Variants in WDFY3 observed in about 807,000 individuals in gnomAD.
The protein encoded by WDFY3 is WD repeat and FYVE domain-containing protein 3.
A neutral mutation model predicts 409.6 loss-of-function variants in WDFY3; 66 were observed. That is an observed-to-expected ratio of 0.16 (90% CI 0.13 to 0.20). The LOEUF is 0.20. WDFY3 is among the 10% of genes least tolerant of loss of function. The pLI, the probability that WDFY3 is intolerant of heterozygous loss-of-function variation, is 1.00. For missense variants in WDFY3, 3,031 were observed against 4,298.1 expected (o/e 0.71, Z 8.24); for synonymous variants, 1,521 against 1,537.1 (o/e 0.99, Z 0.25).
At chr4:84,711,168 T>C (rs901494265) in intron 51 of WDFY3, among the ~76,000 whole-genome samples, 2 of 152,222 alleles carry the variant, frequency 1.3e-5, no homozygotes, top group Admixed American at 6.5e-5. Flanking sequence ...CTGAGTGATA[T>C]AAATGGAACT....
chr4:84,797,271 A>T (rs978546878), intron 18 of WDFY3, among the ~76,000 whole-genome samples: 1 of 152,126 alleles, frequency 6.6e-6, no homozygotes, highest in Admixed American at 6.5e-5. Flanking sequence ...TAAATGCATG[A>T]TCGTAAAAGT....
chr4:84,810,125 A>T lies in WDFY3; in HGVS notation c.2107T>A (p.Ser703Thr), dbSNP rs769243187. 1.9e-6 allele frequency: 3 copies of T among 1,614,048 alleles called. No homozygotes were observed. In the East Asian group the frequency reaches 6.7e-5, roughly 36 times the overall value. The change falls in exon 14 of 68, where the codon TCT becomes ACT. Residue 703 changes from serine to threonine, a missense_variant. This residue lies in a region of WDFY3 where 1,322 missense variants were observed against 1,697.9 expected (regional missense o/e 0.78). Coordinates refer to ENST00000295888, the MANE Select transcript of WDFY3 (RefSeq NM_014991.6). Reference sequence around the variant, plus strand: ...TGAATCTCTGTTTTGAAGAAATGAGAGTTGGCTGGCTCATAGCGCATTGCT... The same window carrying T: ...TGAATCTCTGTTTTGAAGAAATGAGTGTTGGCTGGCTCATAGCGCATTGCT... Reference protein sequence around the residue: ...TAAMRYEPANSHFFKTEIQYE... With the variant: ...TAAMRYEPANTHFFKTEIQYE...
chr4:84,778,354 A>G (rs1300921414), intron 27 of WDFY3, 149 bp downstream of exon 27: 1 of 771,056 alleles, frequency 1.3e-6, no homozygotes, highest in Non-Finnish European at 1.9e-6. Flanking sequence ...GCATTATTCT[A>G]CTTTTTATAT....
chr4:84,812,608 G>C (rs777497896), intron 13 of WDFY3, among the ~76,000 whole-genome samples: 1 of 152,116 alleles, frequency 6.6e-6, no homozygotes, highest in Non-Finnish European at 1.5e-5. Flanking sequence ...AACATACTGG[G>C]AGAAAAATAT....
intron 64 of WDFY3, 53 bp downstream of exon 64, chr4:84,682,321 A>C (rs767772432): frequency 3.9e-6 from 6 of 1,541,822 alleles, no homozygotes; most frequent in Non-Finnish European, 5.3e-6. Flanking sequence ...ATCCACAGTG[A>C]CTTAAAAGAA....
At chr4:84,677,534 A>G in intron 66 of WDFY3, 138 bp from the exon 67 acceptor site, 1 of 718,120 alleles carries the variant, frequency 1.4e-6, no homozygotes, top group East Asian at 2.9e-5. Context: ...TGATTCACTC[A>G]GAGATGTATG....
intron 21 of WDFY3, among the ~76,000 whole-genome samples, chr4:84,790,195 C>G (rs1027548880): frequency 1.3e-5 from 2 of 151,736 alleles, no homozygotes; most frequent in African/African-American, 4.8e-5. Context: ...ACTAAAAACA[C>G]AAAAATTAGC....
At chr4:84,784,566 G>A (rs114591840) in intron 24 of WDFY3, among the ~76,000 whole-genome samples, 1,777 of 151,986 alleles carry the variant, frequency 0.012, 15 homozygotes, top group Non-Finnish European at 0.019. Flanking sequence ...AGCCGGGTGG[G>A]ATGGCTCACA....
chr4:84,740,486 G>T, intron 38 of WDFY3, 70 bp from the exon 39 acceptor site: 2 of 1,483,148 alleles, frequency 1.3e-6, no homozygotes, highest in South Asian at 1.2e-5. Flanking sequence ...ATTCATACAT[G>T]AACTTTTATT....
intron 15 of WDFY3, 99 bp from the exon 16 acceptor site, chr4:84,803,566 A>G (rs1751007781): frequency 7.7e-7 from 1 of 1,295,504 alleles, no homozygotes; most frequent in Non-Finnish European, 1.1e-6. Flanking sequence ...GCCTTGTTAG[A>G]AAACACCTTA....
rs1578518163 is a variant in WDFY3 at position 84,787,816 on chromosome 4, T to C, written c.3670-103A>G. ...TCATTATCCCAAGGTCACACAACTT[T>C]ACAAATGCACAAAAACATTTGGGGT... On this transcript the variant is annotated intron_variant, in intron 22 of 67. Transcript: ENST00000295888. 2.9e-6 allele frequency: 3 copies of C among 1,051,448 alleles called. No homozygotes were observed. The East Asian group carries it at 7.9e-5, about 28-fold the overall frequency. 65.1% of individuals were successfully genotyped at this position (1,051,448 alleles called of 1,614,324 possible). A position where few individuals can be genotyped will look rare whatever the true frequency, so the allele number is the denominator to read the frequency against.
chr4:84,921,424 C>G (rs1021773546), intron 2 of WDFY3, among the ~76,000 whole-genome samples: 9 of 151,916 alleles, frequency 5.9e-5, no homozygotes, highest in Non-Finnish European at 1.2e-4. Context: ...ATTAGTAAAA[C>G]AGAGATTTGT....
Position 84,888,454 on chromosome 4 carries a change from GA to G in WDFY3, c.-32+8456del, listed in dbSNP as rs1276816106. ...ATGAGAAAATGAGATAATAACTTTA[GA>G]AAAAAACTCCAATATCAAGAGTACT... On this transcript the variant is annotated intron_variant, in intron 3 of 67. Transcript: ENST00000295888. Among the ~76,000 whole-genome samples the G allele has an allele frequency of 3.9e-5, 6 of 152,026 alleles. No homozygotes were observed. The East Asian group carries it at 5.8e-4, about 15-fold the overall frequency.
intron 44 of WDFY3, among the ~76,000 whole-genome samples, chr4:84,732,921 T>C (rs1736840849): frequency 6.6e-6 from 1 of 152,168 alleles, no homozygotes. Flanking sequence ...TCACCTTATA[T>C]GATCAGAGCT....
intron 21 of WDFY3, 133 bp from the exon 22 acceptor site, chr4:84,790,040 C>A: frequency 9.9e-7 from 1 of 1,014,010 alleles, no homozygotes; most frequent in South Asian, 1.7e-5. Context: ...AGTAATAATA[C>A]AACTCTGGAA....
chr4:84,817,929 A>C (rs1427479318), intron 12 of WDFY3, among the ~76,000 whole-genome samples: 1 of 152,190 alleles, frequency 6.6e-6, no homozygotes, highest in Non-Finnish European at 1.5e-5. Flanking sequence ...TCAGAGGAAC[A>C]ATAGCCTAAA....
chr4:84,849,329 C>T (rs970171252), intron 5 of WDFY3, among the ~76,000 whole-genome samples: 1 of 151,882 alleles, frequency 6.6e-6, no homozygotes, highest in Non-Finnish European at 1.5e-5. Flanking sequence ...AGAAGAAAAA[C>T]AGTAGTTCAG....
intron 32 of WDFY3, among the ~76,000 whole-genome samples, chr4:84,762,785 T>C (rs1560694972): frequency 6.6e-6 from 1 of 152,106 alleles, no homozygotes; most frequent in African/African-American, 2.4e-5. Flanking sequence ...ATCGTGCTGA[T>C]TTTTCTTTAT....
intron 2 of WDFY3, among the ~76,000 whole-genome samples, chr4:84,924,584 G>T (rs1769726309): frequency 6.6e-6 from 1 of 152,138 alleles, no homozygotes; most frequent in African/African-American, 2.4e-5. Context: ...GAGAATAAGA[G>T]AAGTTAAGTA....
Sources: allele counts gnomAD v4.1 joint callset (sites outside exome capture counted in the v4.1 genomes callset), GRCh38; gene constraint gnomAD v4.1.1; regional missense constraint gnomAD v4.1.1; transcripts MANE v1.5; gene names NCBI Gene and HGNC (gene_info 2026-07-23, HGNC 2026-07-21).